PIP4P2: variants seen among roughly 807,000 people sequenced by gnomAD.
PIP4P2 encodes the protein phosphatidylinositol-4,5-bisphosphate 4-phosphatase 2.
A neutral mutation model predicts 33.3 loss-of-function variants in PIP4P2; 19 were observed. The observed-to-expected ratio is 0.57, with a 90% CI of 0.40 to 0.84. The LOEUF (loss-of-function observed/expected upper bound fraction) is 0.84. Among genes scored for constraint, PIP4P2 ranks in the 40% least tolerant of loss-of-function variants. PIP4P2 has a pLI of 0.00. For missense variants in PIP4P2, 270 were observed against 324.7 expected, an observed-to-expected ratio of 0.83 and a Z score of 1.29; for synonymous variants, 110 against 111.9, an observed-to-expected ratio of 0.98 and a Z score of 0.11.
At chr8:91,037,811 T>C (rs1586189057) in intron 1 of PIP4P2, among the ~76,000 whole-genome samples, 1 of 152,196 alleles carries the variant, frequency 6.6e-6, no homozygotes, top group East Asian at 1.9e-4. Context: ...AAAAATCTTA[T>C]AAATTCAAAG....
chr8:90,995,778 C>T lies in PIP4P2; in HGVS notation c.673G>A (p.Val225Ile). The T allele has an allele frequency of 1.9e-6, 3 of 1,611,040 alleles. No individual in the cohort carries two copies. Among genetic ancestry groups the T allele is most frequent in the Non-Finnish European group, 2.5e-6 (3 of 1,178,944 alleles). The change falls in exon 7 of 7, where the codon GTT (valine) becomes ATT (isoleucine). Residue 225 changes from valine (V) to isoleucine (I), a missense_variant. Coordinates refer to ENST00000285419, the MANE Select transcript of PIP4P2 (RefSeq NM_018710.3). ...AGGAGATAAGCAATTGCCCAAGAAA[C>T]ATAGGTTGCTCGAAATCGCCTTGCA... Reference protein sequence around the residue: ...DFARRFRATYVSWAIAYLLGL... With the variant: ...DFARRFRATYISWAIAYLLGL...
At chr8:91,005,656 C>T (rs1250919956) in intron 5 of PIP4P2, among the ~76,000 whole-genome samples, 1 of 152,122 alleles carries the variant, frequency 6.6e-6, no homozygotes, top group Non-Finnish European at 1.5e-5. Flanking sequence ...TAAAATATAA[C>T]ACTAGATGGC....
rs1464245401 is a variant in PIP4P2 at position 90,994,429 on chromosome 8, TTAAAA to T, written c.*1243_*1247del. ...TATACTAATCAGTATCATAAATAAT[TTAAAA>T]TATTAGTCTTATCTCTGGAATCACC... On this transcript the variant is annotated 3_prime_UTR_variant, in exon 7 of 7. Transcript: ENST00000285419. The T allele has an allele frequency of 6.6e-6, 1 of 152,254 alleles. No individual in the cohort carries two copies. The highest frequency in any genetic ancestry group is 1.5e-5 in the Non-Finnish European group (1 of 67,956). The allele number at this position is 152,254 out of a possible 1,614,324, so 9.4% of individuals were successfully genotyped here.
chr8:91,030,323 T>C (rs1812146624), intron 1 of PIP4P2, among the ~76,000 whole-genome samples: 2 of 151,974 alleles, frequency 1.3e-5, no homozygotes, highest in Admixed American at 6.6e-5. Context: ...TAGTAATAGA[T>C]CTTCCATCTC....
At chr8:91,006,217 T>C (rs1244188064) in intron 5 of PIP4P2, among the ~76,000 whole-genome samples, 2 of 152,222 alleles carry the variant, frequency 1.3e-5, no homozygotes, top group Non-Finnish European at 2.9e-5. Context: ...AGATACCAGC[T>C]AGGAGTGTTC....
intron 1 of PIP4P2, among the ~76,000 whole-genome samples, chr8:91,037,332 T>C (rs773712587): frequency 1.2e-4 from 19 of 152,224 alleles, no homozygotes; most frequent in Non-Finnish European, 2.2e-4. Flanking sequence ...TACTCCACCC[T>C]GCTGATCACT....
intron 5 of PIP4P2, among the ~76,000 whole-genome samples, chr8:91,006,975 AAAG>A (rs1811772820): frequency 3.9e-5 from 6 of 152,212 alleles, no homozygotes; most frequent in Admixed American, 3.3e-4. Flanking sequence ...TCTCAAAAAA[AAAG>A]AAGTCTCTGC....
rs927841302 is a variant in PIP4P2 at position 91,008,513 on chromosome 8, T to A, written c.539+230A>T. ...TTTTAGCAATTTCACTTTCTTATAA[T>A]AGAAATTGATTTCCCTTTAGATGAT... On this transcript the variant is annotated intron_variant, in intron 5 of 6. Coordinates refer to ENST00000285419, the MANE Select transcript of PIP4P2 (RefSeq NM_018710.3). Among the ~76,000 whole-genome samples, 7 of 152,342 alleles carry A rather than the reference T, an allele frequency of 4.6e-5. No homozygotes were observed. The South Asian group carries it at 6.2e-4, about 14-fold the overall frequency.
intron 4 of PIP4P2, 152 bp downstream of exon 4, chr8:91,018,238 G>T: frequency 8.2e-7 from 1 of 1,218,700 alleles, no homozygotes; most frequent in Non-Finnish European, 1.1e-6. Context: ...CTATATCCTA[G>T]TTGCACTTCT....
At chr8:91,020,078 C>A in intron 3 of PIP4P2, 79 bp downstream of exon 3, 1 of 1,388,012 alleles carries the variant, frequency 7.2e-7, no homozygotes, top group Non-Finnish European at 1.0e-6. Flanking sequence ...TAGAACAAAG[C>A]CTGGCACTGA....
intron 5 of PIP4P2, among the ~76,000 whole-genome samples, chr8:91,008,319 C>T (rs73299965): frequency 0.11 from 16,019 of 151,992 alleles, 1,003 homozygotes; most frequent in African/African-American, 0.18. Flanking sequence ...TATATAAATG[C>T]TGCTATCAGT....
At chr8:91,018,791 C>A in intron 3 of PIP4P2, 1 of 318,332 alleles carries the variant, frequency 3.1e-6, no homozygotes, top group Non-Finnish European at 5.9e-6. Flanking sequence ...AAGTTCAAAT[C>A]AGAAAACAGT....
chr8:91,020,206 G>A lies in PIP4P2; in HGVS notation c.313C>T (p.Leu105Phe). The A allele has an allele frequency of 6.2e-7, 1 of 1,613,816 alleles. No homozygotes were observed. The highest frequency in any genetic ancestry group is 8.5e-7 in the Non-Finnish European group (1 of 1,179,822). The change falls in exon 3 of 7, where the codon CTC becomes TTC. Residue 105 changes from leucine (L) to phenylalanine (F), a missense_variant. By Grantham distance (22) the Leu-to-Phe change is conservative. Coordinates refer to ENST00000285419, the MANE Select transcript of PIP4P2 (RefSeq NM_018710.3). ...CGCCGAGATGTGTCCTTACAAATGAGAAGACAATTACAAGGGCATCTAACA... is the reference window on the plus strand; with the variant it reads ...CGCCGAGATGTGTCCTTACAAATGAAAAGACAATTACAAGGGCATCTAACA... ...KYVRCPCNCL[L>F]ICKDTSRRIG...
intron 5 of PIP4P2, among the ~76,000 whole-genome samples, chr8:91,004,516 T>G (rs751990001): frequency 6.8e-4 from 103 of 152,080 alleles, no homozygotes; most frequent in Non-Finnish European, 1.2e-3. Context: ...CCCAGGATGA[T>G]CAATAGTATC....
At chr8:91,010,640 T>A (rs1303703366) in intron 4 of PIP4P2, among the ~76,000 whole-genome samples, 2 of 151,912 alleles carry the variant, frequency 1.3e-5, no homozygotes, top group Non-Finnish European at 2.9e-5. Context: ...CATCTATTAT[T>A]AGAATAATTT....
At chr8:91,020,322 T>C (rs1313571208) in intron 2 of PIP4P2, 59 bp from the exon 3 acceptor site, 3 of 1,493,460 alleles carry the variant, frequency 2.0e-6, no homozygotes, top group Non-Finnish European at 2.8e-6. Flanking sequence ...TTGTCAAAGT[T>C]TGTTTGTGTT....
chr8:91,023,748 G>A lies in PIP4P2; in HGVS notation c.107-2344C>T, dbSNP rs542612472. ...GTCCACAGCTACTTCACCAGCGCTT[G>A]TCATAATGCCTGGTCTATGATGATG... On this transcript the variant is annotated intron_variant, in intron 1 of 6. Coordinates refer to ENST00000285419, the MANE Select transcript of PIP4P2 (RefSeq NM_018710.3). 2.0e-5 allele frequency among the ~76,000 whole-genome samples: 3 copies of A among 152,156 alleles called. No homozygotes were observed. The South Asian group carries it at 6.2e-4, about 32-fold the overall frequency.
At chr8:91,020,991 C>G (rs1047730844) in intron 2 of PIP4P2, among the ~76,000 whole-genome samples, 1 of 152,134 alleles carries the variant, frequency 6.6e-6, no homozygotes, top group Non-Finnish European at 1.5e-5. Flanking sequence ...TTATACGTAA[C>G]TGCCATGCTC....
intron 5 of PIP4P2, among the ~76,000 whole-genome samples, chr8:91,004,281 T>C (rs565787012): frequency 6.6e-6 from 1 of 151,438 alleles, no homozygotes; most frequent in East Asian, 1.9e-4. Context: ...GAAAAGAGTG[T>C]CCAAGTTCCA....
Sources: gnomAD v4.1 joint callset for allele counts (sites outside exome capture counted in the v4.1 genomes callset) on GRCh38, gnomAD v4.1.1 for gene constraint, MANE v1.5 for transcripts, NCBI Gene and HGNC (gene_info 2026-07-23, HGNC 2026-07-21) for gene names.